Variants in NFATC1 observed in about 807,000 individuals in gnomAD.
NFATC1 encodes nuclear factor of activated T-cells, cytoplasmic 1.
In NFATC1, 22 loss-of-function variants were observed where a neutral mutation model predicts 76.0. That is an observed-to-expected ratio of 0.29 (90% CI 0.21 to 0.41). The LOEUF is 0.41. Ranked by LOEUF, NFATC1 falls within the 10% of genes least tolerant of loss-of-function variation. NFATC1 has a pLI of 1.00. For synonymous variants in NFATC1, 704 were observed against 613.1 expected (o/e 1.15, Z -2.19); for missense variants, 1,357 against 1,337.7 (o/e 1.01, Z -0.23).
chr18:79,462,645 G>A (rs778512573), intron 7 of NFATC1, among the ~76,000 whole-genome samples: 25 of 152,196 alleles, frequency 1.6e-4, no homozygotes, highest in East Asian at 7.7e-4. Flanking sequence ...TGATCCCTAC[G>A]TTGGATTTTT....
intron 6 of NFATC1, among the ~76,000 whole-genome samples, chr18:79,461,085 T>C (rs1433300138): frequency 6.6e-6 from 1 of 152,242 alleles, no homozygotes; most frequent in African/African-American, 2.4e-5. Flanking sequence ...TGTCCTCAGC[T>C]TCTCCAGGCT....
chr18:79,527,386 G>A (rs549661151), intron 9 of NFATC1, 142 bp from the exon 10 acceptor site: 152 of 692,736 alleles, frequency 2.2e-4, no homozygotes, highest in East Asian at 3.3e-4. Context: ...GGACCAGGGT[G>A]GGACCGAGGA....
intron 1 of NFATC1, among the ~76,000 whole-genome samples, chr18:79,398,740 T>G (rs2085084062): frequency 6.6e-6 from 1 of 152,212 alleles, no homozygotes; most frequent in South Asian, 2.1e-4. Context: ...GTGTATAATT[T>G]TATGGTGGGG....
intron 3 of NFATC1, among the ~76,000 whole-genome samples, chr18:79,447,507 G>A (rs1035326289): frequency 1.3e-5 from 2 of 152,244 alleles, no homozygotes; most frequent in South Asian, 2.1e-4. Flanking sequence ...GGGTCGACGC[G>A]TCCCAGGATG....
At chr18:79,451,981 T>A in intron 6 of NFATC1, 165 bp downstream of exon 6, 1 of 776,156 alleles carries the variant, frequency 1.3e-6, no homozygotes, top group Non-Finnish European at 1.9e-6. Context: ...CATCCGGCTG[T>A]GGGTTTTTGT....
chr18:79,523,891 AAAGT>A (rs1365150985), intron 9 of NFATC1: 4 of 152,272 alleles, frequency 2.6e-5, no homozygotes, highest in African/African-American at 9.6e-5. Flanking sequence ...GACGTTAGGC[AAAGT>A]AAGTTTCCTC....
rs1050026846 is a variant in NFATC1 at position 79,410,536 on chromosome 18, G to C, written c.261G>C (p.Ser87=). The part of the protein sequence containing the change: ...PGIIPPADHP[S]GYGAALDGGP... ...TCATCCCGCCGGCGGATCACCCCTC[G>C]GGGTACGGAGCAGCTTTGGACGGTG... Residue 87 remains serine, a synonymous_variant, in exon 2 of 10, where the codon TCG becomes TCC. Coordinates refer to ENST00000427363, the MANE Select transcript of NFATC1 (RefSeq NM_001278669.2). The surrounding 1 kb of genome is among the most constrained non-coding windows in gnomAD (Gnocchi z 6.7). 6 of 1,611,534 alleles carry C rather than the reference G, an allele frequency of 3.7e-6. No individual in the cohort carries two copies. The highest frequency in any genetic ancestry group is 5.1e-6 in the Non-Finnish European group (6 of 1,179,990).
chr18:79,422,115 A>G (rs1403384272), intron 2 of NFATC1: 2 of 151,164 alleles, frequency 1.3e-5, no homozygotes, highest in Non-Finnish European at 2.9e-5. Context: ...TTCTTGTGAA[A>G]CCCCCAAGTT....
chr18:79,464,678 A>ATGTG (rs1177230452), intron 7 of NFATC1, among the ~76,000 whole-genome samples: 1 of 77,072 alleles, frequency 1.3e-5, no homozygotes, highest in African/African-American at 5.1e-5. Context: ...GTGTATATGT[A>ATGTG]TGTGTATATA....
intron 9 of NFATC1, among the ~76,000 whole-genome samples, chr18:79,515,486 G>C (rs924732209): frequency 6.6e-6 from 1 of 152,012 alleles, no homozygotes; most frequent in African/African-American, 2.4e-5. Flanking sequence ...GGGGCTCGGA[G>C]GGGGCTCGGC....
At chr18:79,442,377 G>A (rs921403707) in intron 3 of NFATC1, among the ~76,000 whole-genome samples, 2 of 152,246 alleles carry the variant, frequency 1.3e-5, no homozygotes, top group Non-Finnish European at 2.9e-5. Flanking sequence ...CAGCGCACGT[G>A]CCATTCACGG....
chr18:79,471,643 G>C (rs769484395), intron 8 of NFATC1, among the ~76,000 whole-genome samples: 3 of 152,184 alleles, frequency 2.0e-5, no homozygotes, highest in Non-Finnish European at 2.9e-5. Context: ...TGCCTCTGTG[G>C]GGGTCCCTTT....
chr18:79,472,635 C>T (rs967018193), intron 8 of NFATC1, among the ~76,000 whole-genome samples: 1 of 152,170 alleles, frequency 6.6e-6, no homozygotes, highest in Non-Finnish European at 1.5e-5. Context: ...GGCCTCTTCC[C>T]CTCCCCCTCC....
At chr18:79,459,593 G>A (rs2087947338) in intron 6 of NFATC1, among the ~76,000 whole-genome samples, 1 of 152,170 alleles carries the variant, frequency 6.6e-6, no homozygotes, top group South Asian at 2.1e-4. Context: ...CACAGCGTCA[G>A]GGAAGTTCCT....
chr18:79,498,209 G>A (rs1194265752), intron 9 of NFATC1: 2 of 152,182 alleles, frequency 1.3e-5, no homozygotes, highest in Non-Finnish European at 1.5e-5. Flanking sequence ...CCCTGAGAGG[G>A]CTCAGGTATT....
intron 6 of NFATC1, among the ~76,000 whole-genome samples, chr18:79,458,833 G>C (rs1261156270): frequency 6.6e-6 from 1 of 152,268 alleles, no homozygotes; most frequent in Non-Finnish European, 1.5e-5. Context: ...TTCCTGAGAT[G>C]CGAGGTTATT....
chr18:79,502,259 A>G (rs2090029760), intron 9 of NFATC1, among the ~76,000 whole-genome samples: 1 of 152,240 alleles, frequency 6.6e-6, no homozygotes, highest in African/African-American at 2.4e-5. Context: ...GGAGTAAATG[A>G]CAGCCTTTTT....
rs569756130 is a variant in NFATC1 at position 79,410,276 on chromosome 18, T to G, written c.128-127T>G. ...TCCGGCAGCGTGGTCTCAGGGACGT[T>G]TGCTGAGGCCCGCTCCTTGGGGTCC... On this transcript the variant is annotated intron_variant, in intron 1 of 9. Transcript: ENST00000427363. The surrounding 1 kb of genome is among the most constrained non-coding windows in gnomAD (Gnocchi z 6.7). 6.8e-7 allele frequency: 1 copy of G among 1,462,714 alleles called. No homozygotes were observed. Among genetic ancestry groups the G allele is most frequent in the African/African-American group, 1.4e-5 (1 of 71,016 alleles). 90.6% of individuals were successfully genotyped at this position (1,462,714 alleles called of 1,614,324 possible).
chr18:79,467,929 T>C (rs1461862843), intron 8 of NFATC1: 2 of 1,082,232 alleles, frequency 1.8e-6, no homozygotes, highest in Admixed American at 5.1e-5. Flanking sequence ...CTAAAGCTGC[T>C]TACGGTGAAA....
Sources: allele counts gnomAD v4.1 joint callset (sites outside exome capture counted in the v4.1 genomes callset), GRCh38; gene constraint gnomAD v4.1.1; non-coding constraint Gnocchi (gnomAD v3.1); transcripts MANE v1.5; gene names NCBI Gene and HGNC (gene_info 2026-07-23, HGNC 2026-07-21).